CSMD1: variants seen among roughly 807,000 people sequenced by gnomAD.
CSMD1 encodes CUB and sushi domain-containing protein 1.
CSMD1 carries 213 observed loss-of-function variants against 417.5 expected under a neutral mutation model. The observed-to-expected ratio is 0.51, with a 90% CI of 0.46 to 0.57. The LOEUF is 0.57. CSMD1 is among the 20% of genes least tolerant of loss of function. The pLI is 0.00. For missense variants in CSMD1, 6,923 were observed against 4,529.7 expected (o/e 1.53, Z -15.17); for synonymous variants, 2,862 against 1,736.8 (o/e 1.65, Z -16.11).
At chr8:3,884,714 T>C (rs1454956171) in intron 5 of CSMD1, among the ~76,000 whole-genome samples, 2 of 152,112 alleles carry the variant, frequency 1.3e-5, no homozygotes, top group Non-Finnish European at 1.5e-5. Flanking sequence ...TGAGAAAATG[T>C]CCATGATTGG....
In CSMD1 at chr8:4,155,956, T is replaced by C. The variant is rs184594958; in HGVS notation, c.416-123857A>G. 9.2e-5 allele frequency among the ~76,000 whole-genome samples: 14 copies of C among 152,318 alleles called. No individual in the cohort carries two copies. In the East Asian group the frequency reaches 1.2e-3, roughly 13 times the overall value. ...CCAGGTGTTCTGCAGCTGCACATTT[T>C]AATCATCAAGTCACCAAAGTCTGCT... On this transcript the variant is annotated intron_variant, in intron 3 of 69. Transcript: ENST00000635120.
intron 3 of CSMD1, among the ~76,000 whole-genome samples, chr8:4,369,115 A>C (rs1802257444): frequency 6.6e-6 from 1 of 152,180 alleles, no homozygotes; most frequent in South Asian, 2.1e-4. Flanking sequence ...ACACTGATTT[A>C]GCTGTTTCCC....
chr8:4,451,267 G>T (rs890421751), intron 2 of CSMD1, among the ~76,000 whole-genome samples: 1 of 152,096 alleles, frequency 6.6e-6, no homozygotes, highest in South Asian at 2.1e-4. Flanking sequence ...GGAGGTCCAG[G>T]CGGCAGTGAT....
chr8:3,961,677 A>G (rs1362978017), intron 5 of CSMD1, among the ~76,000 whole-genome samples: 1 of 152,346 alleles, frequency 6.6e-6, no homozygotes, highest in East Asian at 1.9e-4. Flanking sequence ...ATAAAGTGAA[A>G]GCAAACTTCA....
chr8:3,637,958 T>A (rs572272787), intron 7 of CSMD1, among the ~76,000 whole-genome samples: 2 of 152,202 alleles, frequency 1.3e-5, no homozygotes, highest in Non-Finnish European at 2.9e-5. Flanking sequence ...TCCTTCACCT[T>A]CTGCCATGAT....
chr8:3,468,799 G>C lies in CSMD1; in HGVS notation c.1474C>G (p.Leu492Val), dbSNP rs1016215341. ...ATCTGGTTGCTCATGCTCACAATGA[G>C]GTCAGGAACACTGGATCCCGTGAGC... The part of the protein sequence containing the change: ...YVLTGSSVPD[L>V]IVSMSNQMWL... Residue 492 changes from leucine (L) to valine (V), a missense_variant, in exon 12 of 70, where the codon CTC becomes GTC. Transcript: ENST00000635120. 6.2e-7 allele frequency: 1 copy of C among 1,601,786 alleles called. No homozygotes were observed. Among genetic ancestry groups the C allele is most frequent in the Non-Finnish European group, 8.5e-7 (1 of 1,174,280 alleles).
intron 49 of CSMD1, among the ~76,000 whole-genome samples, chr8:3,057,925 C>T (rs1023990186): frequency 6.6e-6 from 1 of 152,230 alleles, no homozygotes; most frequent in African/African-American, 2.4e-5. Context: ...CTTCAAACCT[C>T]ACCAAAACCT....
At chr8:4,154,308 T>G (rs1302892598) in intron 3 of CSMD1, among the ~76,000 whole-genome samples, 1 of 152,190 alleles carries the variant, frequency 6.6e-6, no homozygotes, top group African/African-American at 2.4e-5. Context: ...GTTCTCAGCT[T>G]CCTATTTAAG....
At chr8:3,615,455 T>C (rs1802088410) in intron 8 of CSMD1, among the ~76,000 whole-genome samples, 1 of 152,194 alleles carries the variant, frequency 6.6e-6, no homozygotes, top group Non-Finnish European at 1.5e-5. Context: ...CTGCCTCAAA[T>C]GGATTTCAGC....
chr8:4,231,681 C>T (rs973228916), intron 3 of CSMD1, among the ~76,000 whole-genome samples: 3 of 152,154 alleles, frequency 2.0e-5, no homozygotes, highest in African/African-American at 7.2e-5. Context: ...AAGCTGTGGG[C>T]TTATGACTAC....
chr8:3,696,643 C>G (rs955288341), intron 7 of CSMD1, among the ~76,000 whole-genome samples: 14 of 152,136 alleles, frequency 9.2e-5, no homozygotes, highest in Non-Finnish European at 1.3e-4. Context: ...TTATATAACC[C>G]TGATGCACAT....
intron 10 of CSMD1, among the ~76,000 whole-genome samples, chr8:3,563,955 C>T (rs1252382586): frequency 6.6e-6 from 1 of 152,058 alleles, no homozygotes; most frequent in Non-Finnish European, 1.5e-5. Flanking sequence ...TACTAATGTT[C>T]ATTCTTTTGG....
intron 3 of CSMD1, among the ~76,000 whole-genome samples, chr8:4,177,884 A>C (rs1425308814): frequency 6.6e-6 from 1 of 151,976 alleles, no homozygotes; most frequent in South Asian, 2.1e-4. Flanking sequence ...AACCAGGAAG[A>C]AGTTAAATCT....
At chr8:4,906,779 C>G (rs1234754793) in intron 1 of CSMD1, among the ~76,000 whole-genome samples, 1 of 152,174 alleles carries the variant, frequency 6.6e-6, no homozygotes, top group Non-Finnish European at 1.5e-5. Flanking sequence ...AGGTTGGTCT[C>G]CAACTCTTGA....
rs77087790 is a variant in CSMD1, at chr8:3,228,782, G to GA, written c.4345+1257dup. ...AGCCTAAAAACATGCAAAATGGAAGGAAAAAAAAAAACCCTTTCCTACTGT... is the reference window on the plus strand; with the variant it reads ...AGCCTAAAAACATGCAAAATGGAAGGAAAAAAAAAAAACCCTTTCCTACTGT... On this transcript the variant is annotated intron_variant, in intron 27 of 69. Transcript: ENST00000635120. Among the ~76,000 whole-genome samples the GA allele has an allele frequency of 1.5e-3, 215 of 141,104 alleles. 1 individual carries two copies. The highest frequency in any genetic ancestry group is 3.2e-3 in the African/African-American group (122 of 37,540). 92.6% of individuals were successfully genotyped at this position (141,104 alleles called of 152,430 possible). A position where few individuals can be genotyped will look rare whatever the true frequency, so the allele number is the denominator to read the frequency against.
At chr8:3,057,843 T>G (rs1812337530) in intron 49 of CSMD1, among the ~76,000 whole-genome samples, 1 of 152,198 alleles carries the variant, frequency 6.6e-6, no homozygotes, top group South Asian at 2.1e-4. Context: ...TTTTCATAAT[T>G]TCATTTTCAG....
intron 3 of CSMD1, among the ~76,000 whole-genome samples, chr8:4,034,619 T>C (rs879450120): frequency 2.3e-4 from 35 of 152,138 alleles, no homozygotes; most frequent in Non-Finnish European, 4.9e-4. Flanking sequence ...CCGAGAGCTC[T>C]TACAGTCAAA....
At chr8:4,912,560 G>A (rs1279001917) in intron 1 of CSMD1, among the ~76,000 whole-genome samples, 1 of 152,138 alleles carries the variant, frequency 6.6e-6, no homozygotes, top group Non-Finnish European at 1.5e-5. Context: ...TGACTTCACT[G>A]GGGTAGTCTG....
At chr8:4,270,694 T>C (rs959324740) in intron 3 of CSMD1, among the ~76,000 whole-genome samples, 25 of 152,212 alleles carry the variant, frequency 1.6e-4, no homozygotes, top group Non-Finnish European at 2.5e-4. Flanking sequence ...TAAAACCGTC[T>C]GATCCTTATT....
Sources: allele counts gnomAD v4.1 joint callset (sites outside exome capture counted in the v4.1 genomes callset), GRCh38; gene constraint gnomAD v4.1.1; transcripts MANE v1.5; gene names NCBI Gene and HGNC (gene_info 2026-07-23, HGNC 2026-07-21).